The following TRPM5 variants were observed in gnomAD, a reference collection of about 807,000 sequenced individuals.
The protein encoded by TRPM5 is MLSN1 and TRP-related.
A neutral mutation model predicts 124.9 loss-of-function variants in TRPM5; 121 were observed. The observed-to-expected ratio is 0.97, with a 90% CI of 0.84 to 1.13. TRPM5 has a LOEUF of 1.13. Among genes scored for constraint, TRPM5 ranks in the 50% most tolerant of loss-of-function variants. TRPM5 has a pLI of 0.00. For missense variants in TRPM5, 1,643 were observed against 1,589.1 expected, an observed-to-expected ratio of 1.03 and a Z score of -0.58; for synonymous variants, 781 against 700.5, an observed-to-expected ratio of 1.11 and a Z score of -1.81.
At chr11:2,435,677 GCATCTGTC>G in the TRPM5 span, among the ~76,000 whole-genome samples, 1 of 149,636 alleles carries the variant, frequency 6.7e-6, no homozygotes, top group Non-Finnish European at 1.5e-5. The surrounding 1 kb of genome is among the most constrained non-coding windows in gnomAD (Gnocchi z 4.1). Flanking sequence ...CTGTCCATGT[GCATCTGTC>G]CATCTGTCCA....
the TRPM5 span, among the ~76,000 whole-genome samples, chr11:2,429,317 G>C: frequency 6.6e-6 from 1 of 151,574 alleles, no homozygotes; most frequent in Admixed American, 6.6e-5. The surrounding 1 kb of genome is among the most constrained non-coding windows in gnomAD (Gnocchi z 8.4). Context: ...GCTGCTGATG[G>C]TGGTGGTGAT....
At chr11:2,406,143 T>C in intron 21 of TRPM5, 52 bp from the exon 27 acceptor site, 2 of 1,594,988 alleles carry the variant, frequency 1.3e-6, no homozygotes, top group Non-Finnish European at 1.7e-6. Flanking sequence ...GTGCTCTGCG[T>C]GTGGGGAGCC....
At chr11:2,427,463 C>A (rs1845848533), upstream of TRPM5, among the ~76,000 whole-genome samples, 1 of 152,194 alleles carries the variant, frequency 6.6e-6, no homozygotes, top group African/African-American at 2.4e-5. Context: ...ACTCCTGGCA[C>A]CTGGGCAGCC....
chr11:2,429,715 T>A, the TRPM5 span, among the ~76,000 whole-genome samples: 1 of 151,990 alleles, frequency 6.6e-6, no homozygotes, highest in African/African-American at 2.4e-5. This position sits in a 1 kb window ranked among gnomAD's most constrained non-coding sequence, Gnocchi z 8.4. Context: ...GTGGTGGTGA[T>A]GGCAGTGATA....
At chr11:2,413,702 C>T (rs1319883820) in intron 12 of TRPM5, 114 bp from the exon 18 acceptor site, 1 of 974,794 alleles carries the variant, frequency 1.0e-6, no homozygotes. Flanking sequence ...AAGGGGTGCC[C>T]AGCCCAGCCC....
At chr11:2,412,351 C>T in intron 15 of TRPM5, 98 bp from the exon 21 acceptor site, 1 of 588,008 alleles carries the variant, frequency 1.7e-6, no homozygotes, top group Non-Finnish European at 2.5e-6. Flanking sequence ...ATCAGGGTTC[C>T]ATCTATGACC....
At chr11:2,435,350 C>T in the TRPM5 span, among the ~76,000 whole-genome samples, 5 of 152,042 alleles carry the variant, frequency 3.3e-5, no homozygotes, top group Non-Finnish European at 7.4e-5. The surrounding 1 kb of genome is among the most constrained non-coding windows in gnomAD (Gnocchi z 4.1). Flanking sequence ...ATCTGCTGGT[C>T]TATCCACCCA....
chr11:2,421,173 G>T (rs1845767729), exon 3 of TRPM5: 3 of 1,541,664 alleles, frequency 1.9e-6, no homozygotes, highest in Non-Finnish European at 1.7e-6. Flanking sequence ...GGCCCACGCG[G>T]AGGGCACTGG....
chr11:2,405,011 C>G (rs750892646), exon 24 of TRPM5: 1 of 1,612,794 alleles, frequency 6.2e-7, no homozygotes, highest in Non-Finnish European at 8.5e-7. Context: ...TCAGCAGCCA[C>G]CAGCTGGCTT....
chr11:2,418,435 C>T, intron 5 of TRPM5, 77 bp from the exon 11 acceptor site: 1 of 1,498,364 alleles, frequency 6.7e-7, no homozygotes, highest in Non-Finnish European at 8.9e-7. Flanking sequence ...GGGGTGCCCC[C>T]ATCCCTTCAG....
At chr11:2,417,920 G>T in intron 6 of TRPM5, 91 bp from the exon 12 acceptor site, 1 of 1,281,372 alleles carries the variant, frequency 7.8e-7, no homozygotes, top group Non-Finnish European at 1.1e-6. Flanking sequence ...GGCACAGGCA[G>T]CGTCCCCAGG....
chr11:2,414,497 C>T (rs561167083), intron 11 of TRPM5, among the ~76,000 whole-genome samples: 19 of 152,310 alleles, frequency 1.2e-4, no homozygotes, highest in African/African-American at 4.3e-4. Flanking sequence ...GAGGCTGTAT[C>T]GTCCTCACCA....
Position 2,420,215 on chromosome 11 carries a change from G to T in TRPM5, c.649+7C>A. On this transcript the variant is annotated splice_region_variant and intron_variant, in intron 4 of 23. Transcript: ENST00000155858. ...AGGCTTCCCTGGGTGGCTGGGGCGG[G>T]TCTCACCCCCGTAGCCCGCCCTCTG... is the stretch of plus-strand genomic sequence containing the variant. 6.3e-7 allele frequency: 1 copy of T among 1,588,176 alleles called. No homozygotes were observed.
At chr11:2,426,885 G>C (rs555377480), upstream of TRPM5, among the ~76,000 whole-genome samples, 12 of 152,294 alleles carry the variant, frequency 7.9e-5, no homozygotes, top group Admixed American at 7.2e-4. Context: ...TGGAGGACAC[G>C]GCTCAGGGAA....
chr11:2,411,736 T>C, exon 17 of TRPM5: 2 of 1,612,518 alleles, frequency 1.2e-6, no homozygotes, highest in South Asian at 2.2e-5. Context: ...GCGAGGACTG[T>C]GCGGCCAGCC....
In TRPM5 at chr11:2,412,272, G is replaced by T. The variant is rs1850468327; in HGVS notation, c.2356-19C>A. ...AGAAGCCCTGGGAGGGAGGTGGGCA[G>T]TCCACTGACAGCTGTCCAGCCGCCC... On this transcript the variant is annotated intron_variant, in intron 15 of 23. Coordinates refer to ENST00000155858, the Ensembl canonical transcript of TRPM5. The T allele has an allele frequency of 6.3e-7, 1 of 1,591,730 alleles. No individual in the cohort carries two copies. The highest frequency in any genetic ancestry group is 8.6e-7 in the Non-Finnish European group (1 of 1,160,800).
At chr11:2,409,967 A>G (rs1318608481) in intron 18 of TRPM5, among the ~76,000 whole-genome samples, 1 of 152,176 alleles carries the variant, frequency 6.6e-6, no homozygotes, top group East Asian at 1.9e-4. Flanking sequence ...CTGGCCCACC[A>G]GAGATGCAGC....
At chr11:2,436,366 G>A in the TRPM5 span, among the ~76,000 whole-genome samples, 1 of 152,264 alleles carries the variant, frequency 6.6e-6, no homozygotes, top group Non-Finnish European at 1.5e-5. Flanking sequence ...GCCCTGGTCA[G>A]TAGTGGCCCA....
At chr11:2,404,620 G>A (rs1025031834) in exon 24 of TRPM5, 6 of 336,612 alleles carry the variant, frequency 1.8e-5, no homozygotes, top group East Asian at 5.5e-5. Context: ...CCCCCGTCAC[G>A]CCACAGGGCC....
Sources: allele counts gnomAD v4.1 joint callset (sites outside exome capture counted in the v4.1 genomes callset), GRCh38; gene constraint gnomAD v4.1.1; non-coding constraint Gnocchi (gnomAD v3.1); transcripts MANE v1.5; gene names NCBI Gene and HGNC (gene_info 2026-07-23, HGNC 2026-07-21).